MYO18B: variants seen among roughly 807,000 people sequenced by gnomAD.
MYO18B encodes the protein myosin XVIIIB.
In MYO18B, 204 loss-of-function variants were observed where a neutral mutation model predicts 273.0. That is an observed-to-expected ratio of 0.75 (90% CI 0.67 to 0.84). The LOEUF (loss-of-function observed/expected upper bound fraction) is 0.84. MYO18B is among the 40% of genes least tolerant of loss of function. MYO18B has a pLI of 0.00. For synonymous variants in MYO18B, 1,330 were observed against 1,305.7 expected (o/e 1.02, Z -0.40); for missense variants, 3,212 against 3,287.6 (o/e 0.98, Z 0.56).
At chr22:26,051,500 A>G in the MYO18B span, among the ~76,000 whole-genome samples, 1 of 152,164 alleles carries the variant, frequency 6.6e-6, no homozygotes, top group Non-Finnish European at 1.5e-5. Flanking sequence ...TGAGCAGTGA[A>G]ATGCTTTGCC....
intron 42 of MYO18B, among the ~76,000 whole-genome samples, chr22:26,023,442 T>A (rs1316439242): frequency 6.6e-6 from 1 of 151,976 alleles, no homozygotes; most frequent in African/African-American, 2.4e-5. Context: ...TTATGCCTTT[T>A]TTCCCCCCTA....
At position 25,777,674 on chromosome 22, in the gene MYO18B, A is replaced by G. The variant is rs2086969265; in HGVS notation, c.1961A>G (p.Gln654Arg). ...GCGCTGCTGAACCAGCGGAGAGACCAGAGCATTGTGGCCCTGGGCTGGAGT... is the reference window on the plus strand; with the variant it reads ...GCGCTGCTGAACCAGCGGAGAGACCGGAGCATTGTGGCCCTGGGCTGGAGT... ...YWALLNQRRD[Q>R]SIVALGWSGA... The change falls in exon 8 of 44, where the codon CAG becomes CGG. Residue 654 changes from glutamine to arginine, a missense_variant. Coordinates refer to ENST00000335473, the MANE Select transcript of MYO18B (RefSeq NM_032608.7). 1 of 1,613,250 alleles carries G rather than the reference A, an allele frequency of 6.2e-7. No individual in the cohort carries two copies.
At chr22:26,028,159 C>T (rs1360612594) in intron 43 of MYO18B, among the ~76,000 whole-genome samples, 4 of 150,216 alleles carry the variant, frequency 2.7e-5, no homozygotes, top group Non-Finnish European at 4.4e-5. Flanking sequence ...GCAGGACAAT[C>T]GCTTGAACCA....
chr22:25,923,526 AAC>A (rs980531746), intron 34 of MYO18B, among the ~76,000 whole-genome samples: 3 of 152,252 alleles, frequency 2.0e-5, no homozygotes, highest in Non-Finnish European at 4.4e-5. Context: ...TGTCCAAAGT[AAC>A]ACAGCAGGTA....
At chr22:26,058,553 A>G in the MYO18B span, among the ~76,000 whole-genome samples, 1 of 152,180 alleles carries the variant, frequency 6.6e-6, no homozygotes, top group African/African-American at 2.4e-5. Context: ...TTGATCCCCA[A>G]AACTGGAGGT....
chr22:25,837,588 A>G (rs2089944512), intron 17 of MYO18B, among the ~76,000 whole-genome samples: 1 of 152,206 alleles, frequency 6.6e-6, no homozygotes, highest in Admixed American at 6.5e-5. Context: ...CCAGTGAGTG[A>G]GCGCCGGCAG....
chr22:25,943,649 A>G (rs993938460), intron 34 of MYO18B, among the ~76,000 whole-genome samples: 3 of 145,154 alleles, frequency 2.1e-5, no homozygotes, highest in Admixed American at 6.9e-5. Flanking sequence ...TGCACTTGCT[A>G]TTGCTGCTGC....
intron 12 of MYO18B, among the ~76,000 whole-genome samples, chr22:25,812,173 G>T (rs910554026): frequency 1.7e-4 from 26 of 152,176 alleles, no homozygotes; most frequent in Non-Finnish European, 1.0e-4. Context: ...CCACTTTAAG[G>T]ATGCTACCTC....
chr22:25,837,300 G>A (rs927031489), intron 17 of MYO18B, among the ~76,000 whole-genome samples: 1 of 152,122 alleles, frequency 6.6e-6, no homozygotes, highest in African/African-American at 2.4e-5. Flanking sequence ...CCTATGTCAA[G>A]GTGTCAGGGA....
At chr22:26,058,607 A>G in the MYO18B span, among the ~76,000 whole-genome samples, 2 of 152,324 alleles carry the variant, frequency 1.3e-5, no homozygotes, top group East Asian at 3.9e-4. Context: ...CAGATTCCCC[A>G]TGAATGGCTT....
Position 25,851,555 on chromosome 22 carries a change from C to T in MYO18B, c.3861C>T (p.Thr1287=), listed in dbSNP as rs2090429021. The change falls in exon 21 of 44, where the codon ACC becomes ACT. Residue 1287 remains threonine, a synonymous_variant. Transcript: ENST00000335473. ...CACTCCTGAAGAAGCTCATGTCGAC[C>T]TCCGAGGGAATAGATGAAAGGAAGG... ...DAPLLKKLMS[T]SEGIDERKAV... 2 of 1,558,482 alleles carry T rather than the reference C, an allele frequency of 1.3e-6. No individual in the cohort carries two copies. The highest frequency in any genetic ancestry group is 1.7e-6 in the Non-Finnish European group (2 of 1,150,892).
At position 25,969,585 on chromosome 22, in the gene MYO18B, A is replaced by T. The variant is rs145503515; in HGVS notation, c.6156+14221A>T. Among the ~76,000 whole-genome samples the T allele has an allele frequency of 2.9e-3, 446 of 152,298 alleles. 4 individuals are homozygous for T. The highest frequency in any genetic ancestry group is 9.2e-3 in the African/African-American group (384 of 41,556). On this transcript the variant is annotated intron_variant, in intron 39 of 43. Coordinates refer to ENST00000335473, the MANE Select transcript of MYO18B (RefSeq NM_032608.7). ...ATTTGGCCTACAAAGTCCAAGATAT[A>T]TACTACCTGGTCCTTTACAGAAAAA... is the stretch of plus-strand genomic sequence containing the variant.
At chr22:25,816,945 T>A (rs1289822560) in intron 12 of MYO18B, among the ~76,000 whole-genome samples, 1 of 152,198 alleles carries the variant, frequency 6.6e-6, no homozygotes, top group Non-Finnish European at 1.5e-5. Flanking sequence ...AGTCACATAA[T>A]GTTGAGTAAT....
intron 18 of MYO18B, 44 bp from the exon 19 acceptor site, chr22:25,846,056 A>G (rs1468737172): frequency 1.4e-6 from 2 of 1,451,962 alleles, no homozygotes; most frequent in Non-Finnish European, 9.0e-7. Flanking sequence ...GGCTTTCCCA[A>G]GAACCTCCTA....
At chr22:26,019,367 A>G (rs1935628932) in intron 42 of MYO18B, among the ~76,000 whole-genome samples, 1 of 152,178 alleles carries the variant, frequency 6.6e-6, no homozygotes, top group African/African-American at 2.4e-5. Context: ...TACATGACAA[A>G]TTACTGATTC....
chr22:25,898,233 A>C (rs2091853312), intron 28 of MYO18B, 74 bp from the exon 29 acceptor site: 13 of 1,515,928 alleles, frequency 8.6e-6, no homozygotes, highest in South Asian at 7.9e-5. Flanking sequence ...GGAAATAGCA[A>C]CTCCTTGAAA....
At chr22:25,763,027 C>T in intron 2 of MYO18B, 1 of 750,136 alleles carries the variant, frequency 1.3e-6, no homozygotes, top group East Asian at 2.6e-5. Context: ...CCTGGCTGCC[C>T]CTGTGTTCCA....
chr22:25,893,198 G>T (rs963206143), intron 27 of MYO18B, among the ~76,000 whole-genome samples: 3 of 152,192 alleles, frequency 2.0e-5, no homozygotes, highest in African/African-American at 7.2e-5. Context: ...GTTCAAGATG[G>T]AGTATGAATT....
intron 42 of MYO18B, among the ~76,000 whole-genome samples, chr22:26,009,378 TA>T (rs1337597054): frequency 6.6e-6 from 1 of 152,204 alleles, no homozygotes; most frequent in Non-Finnish European, 1.5e-5. Context: ...CCAGAGGTTA[TA>T]AACAGCTGAG....
Sources: allele counts gnomAD v4.1 joint callset (sites outside exome capture counted in the v4.1 genomes callset), GRCh38; gene constraint gnomAD v4.1.1; transcripts MANE v1.5; gene names NCBI Gene and HGNC (gene_info 2026-07-23, HGNC 2026-07-21).